UTS2: variants seen among roughly 807,000 people sequenced by gnomAD.
UTS2 encodes urotensin-2.
A neutral mutation model predicts 12.6 loss-of-function variants in UTS2; 10 were observed. The ratio of observed to expected loss-of-function variants is 0.80; its 90% CI spans 0.49 to 1.35. The LOEUF is 1.35. Among genes scored for constraint, UTS2 ranks in the 40% most tolerant of loss-of-function variants. The pLI is 0.00. For missense variants in UTS2, 142 were observed against 143.2 expected (o/e 0.99, Z 0.04); for synonymous variants, 52 against 50.0 (o/e 1.04, Z -0.17).
the UTS2 span, among the ~76,000 whole-genome samples, chr1:7,868,514 G>T: frequency 2.0e-5 from 3 of 152,142 alleles, no homozygotes; most frequent in African/African-American, 7.2e-5. Context: ...TACCCCCAGG[G>T]GACTGTGGGG....
At chr1:7,875,055 ATT>A in the UTS2 span, among the ~76,000 whole-genome samples, 3 of 148,872 alleles carry the variant, frequency 2.0e-5, no homozygotes, top group African/African-American at 4.9e-5. Flanking sequence ...TTTTTTCTTT[ATT>A]TTTTTTTTCT....
At chr1:7,886,736 T>G in the UTS2 span, among the ~76,000 whole-genome samples, 1 of 152,130 alleles carries the variant, frequency 6.6e-6, no homozygotes, top group African/African-American at 2.4e-5. Flanking sequence ...TGCTTGTTTT[T>G]GGTCAGAAAA....
At chr1:7,868,032 C>T in the UTS2 span, among the ~76,000 whole-genome samples, 15 of 152,226 alleles carry the variant, frequency 9.9e-5, no homozygotes, top group Admixed American at 2.6e-4. Context: ...AATTAGAAGA[C>T]GATTAGCACA....
chr1:7,877,362 T>A, the UTS2 span, among the ~76,000 whole-genome samples: 1 of 152,028 alleles, frequency 6.6e-6, no homozygotes, highest in Non-Finnish European at 1.5e-5. Context: ...AGAGAAGCAA[T>A]TCATGATCTG....
the UTS2 span, among the ~76,000 whole-genome samples, chr1:7,901,267 G>A: frequency 5.9e-5 from 9 of 152,190 alleles, no homozygotes; most frequent in Non-Finnish European, 1.3e-4. Context: ...AAATAACACA[G>A]GCATGAATTA....
upstream of UTS2, chr1:7,853,477 T>C: frequency 6.3e-7 from 1 of 1,585,684 alleles, no homozygotes; most frequent in Non-Finnish European, 8.6e-7. Flanking sequence ...ATGCTGTGTT[T>C]AGGGCTGCCA....
the UTS2 span, among the ~76,000 whole-genome samples, chr1:7,905,582 G>A: frequency 1.2e-4 from 18 of 152,194 alleles, 1 homozygote; most frequent in South Asian, 3.7e-3. Flanking sequence ...CACAGTGCAG[G>A]TAGGCCTCTT....
At chr1:7,905,331 C>G in the UTS2 span, among the ~76,000 whole-genome samples, 1,614 of 151,742 alleles carry the variant, frequency 0.011, 32 homozygotes, top group African/African-American at 0.037. Context: ...TTTTAGTAGA[C>G]ACGGGGTTTC....
At chr1:7,853,066 C>T, upstream of UTS2, 2 of 1,566,740 alleles carry the variant, frequency 1.3e-6, no homozygotes, top group South Asian at 1.2e-5. Flanking sequence ...CAACTGTCTC[C>T]TCATTCTGCC....
the UTS2 span, among the ~76,000 whole-genome samples, chr1:7,863,303 G>A: frequency 6.6e-6 from 1 of 151,604 alleles, no homozygotes; most frequent in African/African-American, 2.4e-5. Flanking sequence ...TAGAGACAGG[G>A]TTTCTCCATG....
At chr1:7,906,796 G>A in the UTS2 span, among the ~76,000 whole-genome samples, 5 of 152,126 alleles carry the variant, frequency 3.3e-5, no homozygotes, top group African/African-American at 9.7e-5. Flanking sequence ...TCCAGGATGC[G>A]AATTCAAAAT....
chr1:7,895,594 G>A, the UTS2 span, among the ~76,000 whole-genome samples: 59 of 152,236 alleles, frequency 3.9e-4, 2 homozygotes, highest in South Asian at 0.011. Context: ...TTAATTGACA[G>A]ATAACTACCA....
At chr1:7,853,144 A>G (rs1231029753), upstream of UTS2, 1 of 1,464,980 alleles carries the variant, frequency 6.8e-7, no homozygotes, top group Middle Eastern at 1.8e-4. Context: ...AAAAAAATGA[A>G]TTTATTGGCT....
At chr1:7,894,173 C>A in the UTS2 span, among the ~76,000 whole-genome samples, 1 of 149,552 alleles carries the variant, frequency 6.7e-6, no homozygotes, top group African/African-American at 2.5e-5. Context: ...TTATCTCTCT[C>A]TTTTTTTATT....
chr1:7,847,952 T>TAAG (rs1280772524), intron 3 of UTS2, 70 bp from the exon 4 acceptor site: 3 of 1,118,082 alleles, frequency 2.7e-6, no homozygotes, highest in Non-Finnish European at 4.0e-6. Context: ...ACGATTCCTA[T>TAAG]AAGAAAAAGG....
chr1:7,860,587 C>T, the UTS2 span, among the ~76,000 whole-genome samples: 3 of 151,976 alleles, frequency 2.0e-5, no homozygotes, highest in Non-Finnish European at 4.4e-5. Flanking sequence ...TATTATTTTT[C>T]GAGACAGGGC....
chr1:7,879,040 T>G, the UTS2 span, among the ~76,000 whole-genome samples: 2 of 152,154 alleles, frequency 1.3e-5, no homozygotes, highest in African/African-American at 2.4e-5. Context: ...AAGGGAGAGA[T>G]AGACTCCAAT....
Position 7,850,117 on chromosome 1 carries a change from C to A in UTS2, c.215-434G>T, listed in dbSNP as rs569227429. Among the ~76,000 whole-genome samples, 108 of 151,910 alleles carry A rather than the reference C, an allele frequency of 7.1e-4. 1 individual carries two copies. The highest frequency in any genetic ancestry group is 2.2e-3 in the African/African-American group (93 of 41,414). On this transcript the variant is annotated intron_variant, in intron 2 of 3. Coordinates refer to ENST00000361696, the MANE Select transcript of UTS2 (RefSeq NM_006786.4). ...CCCTAGTAGCTGGGATTACAGGTGC[C>A]CGCCACCATGCCCGGCTGATATTTG...
At chr1:7,898,171 GT>G in the UTS2 span, among the ~76,000 whole-genome samples, 1 of 152,024 alleles carries the variant, frequency 6.6e-6, no homozygotes, top group African/African-American at 2.4e-5. Flanking sequence ...CTTGTCATAA[GT>G]TACTGTCTAG....
Sources: gnomAD v4.1 joint callset for allele counts (sites outside exome capture counted in the v4.1 genomes callset) on GRCh38, gnomAD v4.1.1 for gene constraint, MANE v1.5 for transcripts, NCBI Gene and HGNC (gene_info 2026-07-23, HGNC 2026-07-21) for gene names.